Variants in HS6ST3 observed in about 807,000 individuals in gnomAD.
HS6ST3 encodes heparan sulfate 6-O-sulfotransferase 3, also known as heparan-sulfate 6-O-sulfotransferase 3.
A neutral mutation model predicts 36.7 loss-of-function variants in HS6ST3; 12 were observed. That is an observed-to-expected ratio of 0.33 (90% CI 0.21 to 0.53). HS6ST3 has a LOEUF of 0.53. HS6ST3 is among the 20% of genes least tolerant of loss of function. The pLI, the probability that HS6ST3 is intolerant of heterozygous loss-of-function variation, is 0.95. For synonymous variants in HS6ST3, 240 were observed against 257.5 expected, an observed-to-expected ratio of 0.93 and a Z score of 0.65; for missense variants, 584 against 640.9, an observed-to-expected ratio of 0.91 and a Z score of 0.96.
intron 1 of HS6ST3, among the ~76,000 whole-genome samples, chr13:96,155,712 T>C (rs1325311348): frequency 1.3e-5 from 2 of 152,218 alleles, no homozygotes; most frequent in African/African-American, 4.8e-5. Flanking sequence ...TAAGCAAGAT[T>C]AGTTTATCTT....
intron 1 of HS6ST3, among the ~76,000 whole-genome samples, chr13:96,489,433 A>G (rs1455142528): frequency 6.6e-6 from 1 of 152,014 alleles, no homozygotes; most frequent in Non-Finnish European, 1.5e-5. Context: ...TTAGTAAAAA[A>G]TAAAAAACAT....
rs373086989 is a variant in HS6ST3, at chr13:96,221,155, G to A, written c.707+129586G>A. ...TCTTTTTTTAACAGGAAAAATAGGT[G>A]CTGCTTTTTGGTTGAGAAACTACTT... On this transcript the variant is annotated intron_variant, in intron 1 of 1. Coordinates refer to ENST00000376705, the MANE Select transcript of HS6ST3 (RefSeq NM_153456.4). Among the ~76,000 whole-genome samples the A allele has an allele frequency of 3.3e-5, 5 of 152,224 alleles. No homozygotes were observed. In the South Asian group the frequency reaches 1.0e-3, roughly 32 times the overall value.
chr13:96,477,992 G>T (rs368874842), intron 1 of HS6ST3, among the ~76,000 whole-genome samples: 1 of 152,016 alleles, frequency 6.6e-6, no homozygotes, highest in African/African-American at 2.4e-5. Context: ...CTTTTTGCCT[G>T]GGTATCCATA....
At chr13:96,665,822 A>G (rs9554357) in intron 1 of HS6ST3, among the ~76,000 whole-genome samples, 1 of 152,128 alleles carries the variant, frequency 6.6e-6, no homozygotes, top group African/African-American at 2.4e-5. Flanking sequence ...GTTATTACTC[A>G]TGGTAGCTCT....
intron 1 of HS6ST3, among the ~76,000 whole-genome samples, chr13:96,393,218 A>G (rs1343769135): frequency 6.6e-6 from 1 of 152,110 alleles, no homozygotes; most frequent in African/African-American, 2.4e-5. Flanking sequence ...TTCATAAATG[A>G]TCCAGTCTCA....
intron 1 of HS6ST3, among the ~76,000 whole-genome samples, chr13:96,659,425 A>G (rs1406834923): frequency 6.6e-6 from 1 of 152,102 alleles, no homozygotes. Context: ...TTTGTTAGAC[A>G]TATGTATTAT....
intron 1 of HS6ST3, among the ~76,000 whole-genome samples, chr13:96,299,792 C>T (rs188296808): frequency 1.9e-4 from 29 of 152,102 alleles, no homozygotes; most frequent in Admixed American, 1.6e-3. Context: ...ATAATCCAGA[C>T]CAGAAAATTA....
chr13:96,211,902 G>A (rs916829721), intron 1 of HS6ST3, among the ~76,000 whole-genome samples: 1 of 152,210 alleles, frequency 6.6e-6, no homozygotes, highest in Non-Finnish European at 1.5e-5. Context: ...CCCAGAGGAT[G>A]AGATAAATGG....
At chr13:96,136,695 A>G (rs1275374977) in intron 1 of HS6ST3, among the ~76,000 whole-genome samples, 133 of 44,558 alleles carry the variant, frequency 3.0e-3, no homozygotes, top group African/African-American at 0.014. Context: ...ATATATATAT[A>G]TATATATATA....
intron 1 of HS6ST3, among the ~76,000 whole-genome samples, chr13:96,143,682 GACAC>G (rs1345707882): frequency 1.3e-5 from 2 of 151,816 alleles, no homozygotes; most frequent in Non-Finnish European, 2.9e-5. Flanking sequence ...TCCCTTTCTA[GACAC>G]ACTCTAAACA....
At chr13:96,278,143 A>T (rs1175366322) in intron 1 of HS6ST3, among the ~76,000 whole-genome samples, 1 of 152,184 alleles carries the variant, frequency 6.6e-6, no homozygotes, top group East Asian at 1.9e-4. Context: ...ATTTCCTCCC[A>T]GGAGTAGAAC....
At chr13:96,241,935 A>G (rs147194274) in intron 1 of HS6ST3, among the ~76,000 whole-genome samples, 11,886 of 151,276 alleles carry the variant, frequency 0.079, 626 homozygotes, top group Admixed American at 0.14. Flanking sequence ...ACAGGCGTCC[A>G]CCACCATGCC....
At chr13:96,670,107 A>C (rs1170169110) in intron 1 of HS6ST3, among the ~76,000 whole-genome samples, 1 of 152,190 alleles carries the variant, frequency 6.6e-6, no homozygotes, top group Non-Finnish European at 1.5e-5. Flanking sequence ...GGGACAACTC[A>C]GTAAAGAAGA....
chr13:96,567,982 A>G (rs113032131), intron 1 of HS6ST3, among the ~76,000 whole-genome samples: 1,605 of 152,326 alleles, frequency 0.011, 27 homozygotes, highest in African/African-American at 0.031. Flanking sequence ...TCATGTAATT[A>G]TGGGCATATA....
intron 1 of HS6ST3, among the ~76,000 whole-genome samples, chr13:96,247,703 C>A (rs1188093585): frequency 6.6e-6 from 1 of 152,122 alleles, no homozygotes; most frequent in Non-Finnish European, 1.5e-5. Context: ...TTCCTCTCTT[C>A]TTTCCTCCTT....
chr13:96,627,163 A>G (rs563320619), intron 1 of HS6ST3, among the ~76,000 whole-genome samples: 12 of 152,198 alleles, frequency 7.9e-5, no homozygotes, highest in African/African-American at 2.4e-4. Flanking sequence ...ATGTTTTTAT[A>G]CAGCCCCTCT....
chr13:96,637,062 TAGA>T (rs2056552504), intron 1 of HS6ST3, among the ~76,000 whole-genome samples: 1 of 152,094 alleles, frequency 6.6e-6, no homozygotes, highest in Admixed American at 6.6e-5. Context: ...AAATTATTAA[TAGA>T]AGAAGAAAAA....
intron 1 of HS6ST3, among the ~76,000 whole-genome samples, chr13:96,527,109 G>T (rs1041118187): frequency 2.0e-5 from 3 of 150,242 alleles, no homozygotes; most frequent in Non-Finnish European, 4.4e-5. Flanking sequence ...TGTTTTTTTA[G>T]AAACGGTGTC....
chr13:96,788,818 C>G (rs923174819), intron 1 of HS6ST3, among the ~76,000 whole-genome samples: 1 of 151,864 alleles, frequency 6.6e-6, no homozygotes, highest in African/African-American at 2.4e-5. Flanking sequence ...TAGAAGTCTA[C>G]TTTGCCTGAA....
Sources: gnomAD v4.1 joint callset for allele counts (sites outside exome capture counted in the v4.1 genomes callset) on GRCh38, gnomAD v4.1.1 for gene constraint, MANE v1.5 for transcripts, NCBI Gene and HGNC (gene_info 2026-07-23, HGNC 2026-07-21) for gene names.